Variants in SCML4 observed in about 807,000 individuals in gnomAD.
SCML4 encodes the protein sex comb on midleg-like protein 4.
SCML4 carries 34 observed loss-of-function variants against 41.1 expected under a neutral mutation model. The ratio of observed to expected loss-of-function variants is 0.83; its 90% CI spans 0.63 to 1.10. The LOEUF is 1.10. SCML4 is among the 50% of genes least tolerant of loss of function. The pLI is 0.00. For synonymous variants in SCML4, 214 were observed against 220.9 expected, an observed-to-expected ratio of 0.97 and a Z score of 0.28; for missense variants, 522 against 534.1, an observed-to-expected ratio of 0.98 and a Z score of 0.22.
At chr6:107,834,516 A>G in the SCML4 span, among the ~76,000 whole-genome samples, 1 of 152,214 alleles carries the variant, frequency 6.6e-6, no homozygotes, top group Non-Finnish European at 1.5e-5. Context: ...CACACACTGA[A>G]GTGGGGTTCA....
At chr6:107,803,205 TC>T (rs1783377258) in intron 1 of SCML4, among the ~76,000 whole-genome samples, 1 of 16,764 alleles carries the variant, frequency 6.0e-5, no homozygotes, top group Non-Finnish European at 1.3e-4. Flanking sequence ...TGGCCGCCCA[TC>T]GTCTGAGATG....
chr6:107,845,151 G>A, the SCML4 span, among the ~76,000 whole-genome samples: 3 of 152,016 alleles, frequency 2.0e-5, no homozygotes, highest in Admixed American at 6.6e-5. Context: ...CAGGAGAATC[G>A]CTTGAACCCA....
intron 6 of SCML4, among the ~76,000 whole-genome samples, chr6:107,712,341 A>G (rs1774301787): frequency 6.6e-6 from 1 of 152,218 alleles, no homozygotes; most frequent in South Asian, 2.1e-4. Flanking sequence ...ACCAATTAAC[A>G]GCATCATTCA....
At chr6:107,728,376 G>A (rs565205461) in intron 5 of SCML4, among the ~76,000 whole-genome samples, 24 of 152,242 alleles carry the variant, frequency 1.6e-4, no homozygotes, top group African/African-American at 4.8e-4. Context: ...TTTGGGAGGC[G>A]AAGGTGGGCG....
intron 6 of SCML4, among the ~76,000 whole-genome samples, chr6:107,715,507 A>G (rs1262107275): frequency 2.0e-5 from 3 of 151,816 alleles, no homozygotes; most frequent in Non-Finnish European, 2.9e-5. Context: ...GTGGTTGGGA[A>G]TTCTACAGTG....
At chr6:107,770,142 T>A (rs1250871122) in intron 2 of SCML4, among the ~76,000 whole-genome samples, 1 of 152,210 alleles carries the variant, frequency 6.6e-6, no homozygotes, top group African/African-American at 2.4e-5. Context: ...TGTCCAGGTC[T>A]AGGAAATTGT....
At chr6:107,795,242 G>A (rs914072966) in intron 1 of SCML4, among the ~76,000 whole-genome samples, 1 of 152,082 alleles carries the variant, frequency 6.6e-6, no homozygotes, top group Non-Finnish European at 1.5e-5. Flanking sequence ...TCATTTAAAA[G>A]CATTTTTCTT....
chr6:107,727,155 G>A (rs1305911003), intron 5 of SCML4, among the ~76,000 whole-genome samples: 2 of 152,156 alleles, frequency 1.3e-5, no homozygotes, highest in African/African-American at 2.4e-5. Flanking sequence ...CCAGCCACAA[G>A]AGACCACATG....
intron 5 of SCML4, among the ~76,000 whole-genome samples, chr6:107,738,065 C>A (rs1777244978): frequency 6.6e-6 from 1 of 152,126 alleles, no homozygotes; most frequent in African/African-American, 2.4e-5. Flanking sequence ...ATACTTGGGT[C>A]TTTTTAAATT....
At chr6:107,834,987 A>T in the SCML4 span, among the ~76,000 whole-genome samples, 1 of 151,950 alleles carries the variant, frequency 6.6e-6, no homozygotes, top group East Asian at 2.0e-4. Context: ...GAGGAAAAAA[A>T]TTATTTAATT....
chr6:107,819,992 G>T (rs1332255616), intron 1 of SCML4, among the ~76,000 whole-genome samples: 1 of 152,194 alleles, frequency 6.6e-6, no homozygotes, highest in Non-Finnish European at 1.5e-5. Flanking sequence ...GAAGTAAGAG[G>T]TGTTTTATCT....
chr6:107,799,274 A>G (rs1474422542), intron 1 of SCML4, among the ~76,000 whole-genome samples: 1 of 152,190 alleles, frequency 6.6e-6, no homozygotes, highest in Non-Finnish European at 1.5e-5. Flanking sequence ...AGAGTTTCAT[A>G]TCTTCTTGAT....
At chr6:107,781,842 TC>T (rs1189490713) in intron 1 of SCML4, among the ~76,000 whole-genome samples, 4 of 152,164 alleles carry the variant, frequency 2.6e-5, no homozygotes, top group African/African-American at 9.7e-5. Context: ...AGGCTCATGC[TC>T]CTCCTTCTCC....
chr6:107,751,586 CTTT>C (rs1562218618), intron 2 of SCML4, among the ~76,000 whole-genome samples: 2 of 117,590 alleles, frequency 1.7e-5, no homozygotes, highest in Non-Finnish European at 3.5e-5. Flanking sequence ...TTCTTTCTTT[CTTT>C]CTTTCTTTCT....
At chr6:107,811,647 T>C (rs1784167740) in intron 1 of SCML4, among the ~76,000 whole-genome samples, 1 of 152,176 alleles carries the variant, frequency 6.6e-6, no homozygotes, top group Admixed American at 6.5e-5. Flanking sequence ...CCTCAATGAT[T>C]TTCTGTTCTG....
chr6:107,780,725 T>A (rs1048838782), intron 1 of SCML4, among the ~76,000 whole-genome samples: 5 of 142,346 alleles, frequency 3.5e-5, no homozygotes, highest in South Asian at 4.4e-4. Context: ...ATAATAATAA[T>A]AAAACTTAAA....
intron 1 of SCML4, among the ~76,000 whole-genome samples, chr6:107,801,854 T>C (rs1227668495): frequency 6.6e-6 from 1 of 151,726 alleles, no homozygotes; most frequent in African/African-American, 2.4e-5. Flanking sequence ...AACCTCCGCC[T>C]CCCAGGTTCA....
intron 6 of SCML4, among the ~76,000 whole-genome samples, chr6:107,715,099 C>T (rs1384293592): frequency 1.3e-5 from 2 of 150,710 alleles, no homozygotes; most frequent in Non-Finnish European, 2.9e-5. Context: ...CTCAGCCTCC[C>T]GAGTAGCTGG....
At position 107,817,131 on chromosome 6, in the gene SCML4, T is replaced by A. The variant is rs1485367533; in HGVS notation, c.-60+6995A>T. Among the ~76,000 whole-genome samples, 3 of 152,060 alleles carry A rather than the reference T, an allele frequency of 2.0e-5. No homozygotes were observed. The East Asian group carries it at 5.8e-4, about 29-fold the overall frequency. ...TTTTTTTTCTTCAGGCATGGAAATG[T>A]CAAATATAGTCATAAAAACAATGAC... On this transcript the variant is annotated intron_variant, in intron 1 of 7. Coordinates refer to ENST00000369020, the MANE Select transcript of SCML4 (RefSeq NM_198081.5).
Sources: allele counts gnomAD v4.1 joint callset (sites outside exome capture counted in the v4.1 genomes callset), GRCh38; gene constraint gnomAD v4.1.1; transcripts MANE v1.5; gene names NCBI Gene and HGNC (gene_info 2026-07-23, HGNC 2026-07-21).